Variants in TEPSIN observed in about 807,000 individuals in gnomAD.
The protein encoded by TEPSIN is TEPSIN adaptor related protein complex 4 accessory protein.
A neutral mutation model predicts 48.5 loss-of-function variants in TEPSIN; 50 were observed. The observed-to-expected ratio is 1.03, with a 90% CI of 0.82 to 1.31. TEPSIN has a LOEUF of 1.31. Among genes scored for constraint, TEPSIN ranks in the 50% most tolerant of loss-of-function variants. The probability of loss-of-function intolerance (pLI) is 0.00; values close to 1 mark genes in which losing one functional copy is unlikely to be tolerated. For missense variants in TEPSIN, 838 were observed against 815.9 expected, an observed-to-expected ratio of 1.03 and a Z score of -0.33; for synonymous variants, 392 against 358.8, an observed-to-expected ratio of 1.09 and a Z score of -1.05.
chr17:81,231,486 G>A lies in TEPSIN; in HGVS notation c.1020-10C>T, dbSNP rs75090212. On this transcript the variant is annotated splice_polypyrimidine_tract_variant and intron_variant, in intron 10 of 12. Transcript: ENST00000637944. ...GTTGAGCAGTCCACACCTGCACAGA[G>A]GGGACACCTGGGTGGCGGGTGCGGC... 1.3e-6 allele frequency: 2 copies of A among 1,568,176 alleles called. No homozygotes were observed. Among genetic ancestry groups the A allele is most frequent in the East Asian group, 2.4e-5 (1 of 42,108 alleles).
Position 81,229,301 on chromosome 17 carries a change from C to G in TEPSIN, c.1409G>C (p.Arg470Pro). 6.4e-7 allele frequency: 1 copy of G among 1,572,686 alleles called. No homozygotes were observed. Among genetic ancestry groups the G allele is most frequent in the South Asian group, 1.2e-5 (1 of 86,080 alleles). ...CATCCCAGATGAGGGAGCAGGGCTC[C>G]GGGACGAGACCGGGGTTGAACTCAG... ...QPLSSTPVSS[R>P]SPAPSSGMPS... The change falls in exon 13 of 13, where the codon CGG becomes CCG. Residue 470 changes from arginine to proline, a missense_variant. Transcript: ENST00000637944.
In TEPSIN at chr17:81,230,606, G is replaced by T. The variant is rs200261832; in HGVS notation, c.1171C>A (p.Arg391=). ...ATGCTGAGCTCCTGCAGCCACGGCC[G>T]GGTGCGGAGGAGGATGTGCTCCTGG... ...LPQEHILLRT[R]PWLQELSMGS... The change falls in exon 12 of 13, where the codon CGG becomes AGG. Residue 391 remains arginine, a synonymous_variant. Transcript: ENST00000637944. The surrounding 1 kb of genome is among the most constrained non-coding windows in gnomAD (Gnocchi z 4.2). 53 of 1,608,004 alleles carry T rather than the reference G, an allele frequency of 3.3e-5. No homozygotes were observed. In the East Asian group the frequency reaches 1.2e-3, roughly 35 times the overall value.
chr17:81,233,355 G>C lies in TEPSIN; in HGVS notation c.526+77C>G. 2 of 1,518,732 alleles carry C rather than the reference G, an allele frequency of 1.3e-6. No individual in the cohort carries two copies. The highest frequency in any genetic ancestry group is 1.8e-6 in the Non-Finnish European group (2 of 1,120,114). The allele number at this position is 1,518,732 out of a possible 1,614,324, so 94.1% of individuals were successfully genotyped here. A position where few individuals can be genotyped will look rare whatever the true frequency, so the allele number is the denominator to read the frequency against. Reference sequence around the variant, plus strand: ...GGGGACAGCAGCTACTAGATGGGGCGGCATGGTCCGGCCCCCACCACCTCC... The same window carrying C: ...GGGGACAGCAGCTACTAGATGGGGCCGCATGGTCCGGCCCCCACCACCTCC... On this transcript the variant is annotated intron_variant, in intron 7 of 12. Transcript: ENST00000637944. This position sits in a 1 kb window ranked among gnomAD's most constrained non-coding sequence, Gnocchi z 5.8.
At position 81,233,466 on chromosome 17, in the gene TEPSIN, C is replaced by G; in HGVS notation, c.492G>C (p.Gln164His). Residue 164 changes from glutamine to histidine, a missense_variant, in exon 7 of 13, where the codon CAG becomes CAC. Coordinates refer to ENST00000637944, the MANE Select transcript of TEPSIN (RefSeq NM_001363764.2). The surrounding 1 kb of genome is among the most constrained non-coding windows in gnomAD (Gnocchi z 5.8). ...CGTGTTCCTTGCTGTAGCCGAAACC[C>G]TGGAGGGTGCTGTGCGGCCTGGCCT... ...GSQARPHSTL[Q>H]GFGYSKEHGR... is the part of the protein sequence containing the mutation. The G allele has an allele frequency of 6.2e-7, 1 of 1,610,410 alleles. No homozygotes were observed. The highest frequency in any genetic ancestry group is 1.3e-5 in the African/African-American group (1 of 74,962).
intron 7 of TEPSIN, 189 bp from the exon 8 acceptor site, chr17:81,232,707 C>T (rs2062642200): frequency 1.7e-6 from 1 of 578,786 alleles, no homozygotes; most frequent in Non-Finnish European, 3.0e-6. Flanking sequence ...CTTTGGCATT[C>T]CCACTCCCAG....
chr17:81,229,145 T>C lies in TEPSIN; in HGVS notation c.1565A>G (p.Asp522Gly), dbSNP rs777555313. ...WRPERIPGGT[D>G]SPKRGPSSCA... ...GCTGCTGGGGCCTCTCTTTGGGCTG[T>C]CCGTGCCCCCTGGGATCCGTTCAGG... The change falls in exon 13 of 13, where the codon GAC becomes GGC. Residue 522 changes from aspartate to glycine, a missense_variant. Physicochemically the swap from Asp to Gly is moderately conservative, Grantham distance 94. Transcript: ENST00000637944. 5.0e-6 allele frequency: 8 copies of C among 1,611,720 alleles called. No individual in the cohort carries two copies. In the South Asian group the frequency reaches 8.8e-5, roughly 18 times the overall value.
rs770403083 is a variant in TEPSIN at position 81,228,534 on chromosome 17, C to A, written c.*394G>T. On this transcript the variant is annotated 3_prime_UTR_variant, in exon 13 of 13. Transcript: ENST00000637944. ...AAACCCAGCCTCAGCACCTAGCCCA[C>A]CCCGATGGGACGGGGGAGCAGTGGC... 1 of 302,926 alleles carries A rather than the reference C, an allele frequency of 3.3e-6. No homozygotes were observed. Among genetic ancestry groups the A allele is most frequent in the Non-Finnish European group, 6.2e-6 (1 of 160,814 alleles). 18.8% of individuals were successfully genotyped at this position (302,926 alleles called of 1,614,324 possible).
chr17:81,233,349 T>C lies in TEPSIN; in HGVS notation c.526+83A>G. ...GGGACGGGGGACAGCAGCTACTAGA[T>C]GGGGCGGCATGGTCCGGCCCCCACC... On this transcript the variant is annotated intron_variant, in intron 7 of 12. Transcript: ENST00000637944. The surrounding 1 kb of genome is among the most constrained non-coding windows in gnomAD (Gnocchi z 5.8). 1.3e-6 allele frequency: 2 copies of C among 1,487,812 alleles called. No homozygotes were observed. Among genetic ancestry groups the C allele is most frequent in the South Asian group, 2.4e-5 (2 of 82,510 alleles). The allele number at this position is 1,487,812 out of a possible 1,614,324, so 92.2% of individuals were successfully genotyped here.
At chr17:81,238,776 G>A in intron 1 of TEPSIN, 1 of 1,313,314 alleles carries the variant, frequency 7.6e-7, no homozygotes, top group South Asian at 2.2e-5. Context: ...CTTGCGCTCG[G>A]CGGGTCCGGC....
Position 81,230,883 on chromosome 17 carries a change from C to T in TEPSIN, c.1099-205G>A, listed in dbSNP as rs1014331635. 22 of 612,696 alleles carry T rather than the reference C, an allele frequency of 3.6e-5. No individual in the cohort carries two copies. Among genetic ancestry groups the T allele is most frequent in the Non-Finnish European group, 5.3e-5 (20 of 375,584 alleles). 38.0% of individuals were successfully genotyped at this position (612,696 alleles called of 1,614,324 possible). A position where few individuals can be genotyped will look rare whatever the true frequency, so the allele number is the denominator to read the frequency against. On this transcript the variant is annotated intron_variant, in intron 11 of 12. Transcript: ENST00000637944. This position sits in a 1 kb window ranked among gnomAD's most constrained non-coding sequence, Gnocchi z 4.2. ...CCACAGCCCTGTCCTCACCACCTTA[C>T]ACCCCCGCTCCCAGACACCAGAGCC...
Position 81,230,764 on chromosome 17 carries a change from C to CT in TEPSIN, c.1099-87dup. On this transcript the variant is annotated intron_variant, in intron 11 of 12. Transcript: ENST00000637944. This position sits in a 1 kb window ranked among gnomAD's most constrained non-coding sequence, Gnocchi z 4.2. ...CTATTTGGCCATCTCTCTCCCTCTTCTTCCTCCTCATCAATGACTGGAGTG... is the reference window on the plus strand; with the variant it reads ...CTATTTGGCCATCTCTCTCCCTCTTCTTTCCTCCTCATCAATGACTGGAGTG... 7.0e-7 allele frequency: 1 copy of CT among 1,429,076 alleles called. No individual in the cohort carries two copies. The highest frequency in any genetic ancestry group is 9.2e-7 in the Non-Finnish European group (1 of 1,085,690). The allele number at this position is 1,429,076 out of a possible 1,614,324, so 88.5% of individuals were successfully genotyped here.
chr17:81,232,662 G>A (rs1471630569), intron 7 of TEPSIN, 144 bp from the exon 8 acceptor site: 3 of 713,740 alleles, frequency 4.2e-6, no homozygotes, highest in Admixed American at 6.0e-5. Flanking sequence ...CTCCTGGTGG[G>A]CCCCAGGCCC....
intron 7 of TEPSIN, 86 bp from the exon 8 acceptor site, chr17:81,232,604 C>T: frequency 7.8e-7 from 1 of 1,283,416 alleles, no homozygotes; most frequent in Non-Finnish European, 1.1e-6. Context: ...GCATCGGCTC[C>T]CTGCTCAAGC....
intron 2 of TEPSIN, 61 bp from the exon 3 acceptor site, chr17:81,237,132 G>C: frequency 6.7e-7 from 1 of 1,501,056 alleles, no homozygotes; most frequent in Non-Finnish European, 9.1e-7. Context: ...GCCGCAGGGA[G>C]ACCAGGCCAT....
At chr17:81,238,238 C>G in intron 1 of TEPSIN, 1 of 938,344 alleles carries the variant, frequency 1.1e-6, no homozygotes, top group Non-Finnish European at 1.3e-6. Flanking sequence ...TGTTTGCCCA[C>G]CACGCCCTAA....
Position 81,230,507 on chromosome 17 carries a change from G to C in TEPSIN, c.1233+37C>G, listed in dbSNP as rs1198610684. The C allele has an allele frequency of 6.2e-7, 1 of 1,606,916 alleles. No homozygotes were observed. Among genetic ancestry groups the C allele is most frequent in the African/African-American group, 1.3e-5 (1 of 74,688 alleles). ...GCAGCGTATCTCCCACTGTACCCTT[G>C]GACCCCGGTGTGCGTGTGGCCTCCG... On this transcript the variant is annotated intron_variant, in intron 12 of 12. Transcript: ENST00000637944. This position sits in a 1 kb window ranked among gnomAD's most constrained non-coding sequence, Gnocchi z 4.2.
At chr17:81,238,874 C>G in intron 1 of TEPSIN, 112 bp downstream of exon 1, 2 of 1,363,838 alleles carry the variant, frequency 1.5e-6, no homozygotes, top group Non-Finnish European at 1.9e-6. Context: ...CCAGGAGCAG[C>G]TACCCGGCGC....
chr17:81,232,244 G>A (rs2062629502), intron 8 of TEPSIN, 71 bp downstream of exon 8: 1 of 1,433,510 alleles, frequency 7.0e-7, no homozygotes, highest in Admixed American at 2.6e-5. Context: ...TTGCCTCCGT[G>A]GCCGCAAAGC....
At position 81,229,025 on chromosome 17, in the gene TEPSIN, G is replaced by A; in HGVS notation, c.1685C>T (p.Pro562Leu). Residue 562 changes from proline to leucine, a missense_variant, in exon 13 of 13, where the codon CCT becomes CTT. By Grantham distance (98) the Pro-to-Leu change is moderately conservative. Transcript: ENST00000637944. ...GAGAAAGESC[P>L]DAPRAPQTSS... ...TGTTTGGGGGGCGCGGGGAGCATCA[G>A]GACAGGACTCTCCCGCAGCAGCCCC... 1 of 1,613,452 alleles carries A rather than the reference G, an allele frequency of 6.2e-7. No homozygotes were observed. The highest frequency in any genetic ancestry group is 8.5e-7 in the Non-Finnish European group (1 of 1,179,964).
Sources: allele counts gnomAD v4.1 joint callset, GRCh38; gene constraint gnomAD v4.1.1; non-coding constraint Gnocchi (gnomAD v3.1); transcripts MANE v1.5; gene names NCBI Gene and HGNC (gene_info 2026-07-23, HGNC 2026-07-21).